LRCH3: variants seen among roughly 807,000 people sequenced by gnomAD.
The protein encoded by LRCH3 is DISP complex protein LRCH3.
Under a neutral mutation model 104.5 loss-of-function variants are expected in LRCH3, and 68 were observed. The observed-to-expected ratio is 0.65, with a 90% CI of 0.54 to 0.80. The LOEUF (loss-of-function observed/expected upper bound fraction) is 0.80. LRCH3 is among the 30% of genes least tolerant of loss of function. The probability of loss-of-function intolerance (pLI) is 0.00; values close to 1 mark genes in which losing one functional copy is unlikely to be tolerated. For synonymous variants in LRCH3, 344 were observed against 361.3 expected, an observed-to-expected ratio of 0.95 and a Z score of 0.54; for missense variants, 951 against 953.9, an observed-to-expected ratio of 1.00 and a Z score of 0.04.
chr3:197,871,222 T>C, intron 18 of LRCH3, 103 bp from the exon 19 acceptor site: 1 of 938,964 alleles, frequency 1.1e-6, no homozygotes, highest in Non-Finnish European at 1.7e-6. Flanking sequence ...GGTACTTATT[T>C]CCTTTTTATC....
chr3:197,851,001 C>T (rs1452954063), intron 12 of LRCH3: 4 of 774,074 alleles, frequency 5.2e-6, no homozygotes, highest in Admixed American at 1.7e-5. Context: ...CCCATTTTTT[C>T]TTTTTATGAA....
chr3:197,812,529 T>TTTTTTTTTTTTTTG (rs1733285611), intron 1 of LRCH3, among the ~76,000 whole-genome samples: 1 of 145,444 alleles, frequency 6.9e-6, no homozygotes, highest in Non-Finnish European at 1.5e-5. Context: ...TTTTTTTTTT[T>TTTTTTTTTTTTTTG]TAGGTGGAGT....
At chr3:197,844,663 G>A (rs1039582206) in intron 10 of LRCH3, among the ~76,000 whole-genome samples, 15 of 151,952 alleles carry the variant, frequency 9.9e-5, no homozygotes, top group South Asian at 6.2e-4. Flanking sequence ...CTGTCGCCAG[G>A]CTGGAGTGCA....
At chr3:197,843,833 G>A (rs538055941) in intron 10 of LRCH3, among the ~76,000 whole-genome samples, 26 of 152,278 alleles carry the variant, frequency 1.7e-4, no homozygotes, top group Non-Finnish European at 2.9e-4. Flanking sequence ...GGGTGCTACT[G>A]TCATTCATTC....
At position 197,854,529 on chromosome 3, in the gene LRCH3, A is replaced by T. The variant is rs931325164; in HGVS notation, c.1644+84A>T. 1 of 1,243,236 alleles carries T rather than the reference A, an allele frequency of 8.0e-7. No individual in the cohort carries two copies. The highest frequency in any genetic ancestry group is 1.5e-5 in the African/African-American group (1 of 68,092). The allele number at this position is 1,243,236 out of a possible 1,614,324, so 77.0% of individuals were successfully genotyped here. ...ATTCAGAAACTATCTAAATACCATA[A>T]AACATGATGAACATCATTACTAAAT... On this transcript the variant is annotated intron_variant, in intron 14 of 20. Transcript: ENST00000425562. This position sits in a 1 kb window ranked among gnomAD's most constrained non-coding sequence, Gnocchi z 4.5.
intron 12 of LRCH3, chr3:197,850,667 TTTAAGCACGTGCAGCAAAAATTCAGCA>T: frequency 6.5e-7 from 1 of 1,527,350 alleles, no homozygotes; most frequent in East Asian, 2.3e-5. Flanking sequence ...TCTCTGCATT[TTTAAGCACGTGCAGCAAAAATTCAGCA>T]CTCTTTCTGG....
chr3:197,806,974 G>A (rs566409000), intron 1 of LRCH3, among the ~76,000 whole-genome samples: 1 of 151,488 alleles, frequency 6.6e-6, no homozygotes, highest in African/African-American at 2.4e-5. Flanking sequence ...AGGAGTTCCA[G>A]GTTTCAGTGA....
chr3:197,843,684 G>GA (rs879341567), intron 10 of LRCH3, among the ~76,000 whole-genome samples: 198 of 142,384 alleles, frequency 1.4e-3, no homozygotes, highest in Non-Finnish European at 2.4e-3. Flanking sequence ...CATCTCAAAA[G>GA]AAAAAAAAAA....
At chr3:197,857,406 C>G (rs183883305) in intron 14 of LRCH3, among the ~76,000 whole-genome samples, 136 of 144,858 alleles carry the variant, frequency 9.4e-4, no homozygotes, top group African/African-American at 1.4e-3. Flanking sequence ...GTCACACTGA[C>G]ATTCTCTTCC....
chr3:197,839,365 A>G lies in LRCH3; in HGVS notation c.1296A>G (p.Thr432=), dbSNP rs1737444797. The G allele has an allele frequency of 1.3e-6, 2 of 1,594,214 alleles. No homozygotes were observed. The highest frequency in any genetic ancestry group is 2.2e-5 in the East Asian group (1 of 44,556). ...TAGCCATTAGGGAGTTTCAAAAAACAGAAGATATGAGAAGATATTTACATC... is the reference window on the plus strand; with the variant it reads ...TAGCCATTAGGGAGTTTCAAAAAACGGAAGATATGAGAAGATATTTACATC... The part of the protein sequence containing the change: ...KPVAIREFQK[T]EDMRRYLHQN... Residue 432 remains threonine (T), a synonymous_variant, in exon 10 of 21, where the codon ACA becomes ACG. Coordinates refer to ENST00000425562, the MANE Select transcript of LRCH3 (RefSeq NM_001365715.1).
rs1437958599 is a variant in LRCH3, at chr3:197,812,296, A to G, written c.263-2612A>G. Among the ~76,000 whole-genome samples, 4 of 152,110 alleles carry G rather than the reference A, an allele frequency of 2.6e-5. No individual in the cohort carries two copies. The East Asian group carries it at 7.7e-4, about 29-fold the overall frequency. On this transcript the variant is annotated intron_variant, in intron 1 of 20. Coordinates refer to ENST00000425562, the MANE Select transcript of LRCH3 (RefSeq NM_001365715.1). ...GATGTCTGGCATATTTCACTCCATA[A>G]TGTTTGCAAACTTCATGTTGTACCA...
intron 14 of LRCH3, among the ~76,000 whole-genome samples, chr3:197,858,036 A>G (rs1443587990): frequency 6.6e-6 from 1 of 152,168 alleles, no homozygotes; most frequent in Non-Finnish European, 1.5e-5. Context: ...AGACTTCACT[A>G]TTTTTAAGCT....
chr3:197,880,988 TA>T (rs1713711112), intron 20 of LRCH3: 1 of 1,309,204 alleles, frequency 7.6e-7, no homozygotes, highest in South Asian at 1.8e-5. Flanking sequence ...TCTCTTACCA[TA>T]AATGCTGAAG....
intron 1 of LRCH3, among the ~76,000 whole-genome samples, chr3:197,793,844 G>A (rs1404895130): frequency 1.3e-5 from 2 of 152,118 alleles, no homozygotes; most frequent in Non-Finnish European, 2.9e-5. Flanking sequence ...CTAACATGTA[G>A]TAATATCACT....
chr3:197,859,555 A>G (rs1740646569), intron 15 of LRCH3: 1 of 152,252 alleles, frequency 6.6e-6, no homozygotes, highest in African/African-American at 2.4e-5. Flanking sequence ...ATTTAATCTA[A>G]ACTCTAAAAA....
rs1490825314 is a variant in LRCH3 at position 197,884,940 on chromosome 3, CAGAT to C, written c.*1278_*1281del. 1 of 152,158 alleles carries C rather than the reference CAGAT, an allele frequency of 6.6e-6. No homozygotes were observed. The highest frequency in any genetic ancestry group is 2.4e-5 in the African/African-American group (1 of 41,430). 9.4% of individuals were successfully genotyped at this position (152,158 alleles called of 1,614,324 possible). A position where few individuals can be genotyped will look rare whatever the true frequency, so the allele number is the denominator to read the frequency against. On this transcript the variant is annotated 3_prime_UTR_variant, in exon 21 of 21. Transcript: ENST00000425562. ...GATTTTGCATAGTAAAACAGTGAAA[CAGAT>C]AGAGTTGTATTTAAGGTCAGTATTC...
intron 1 of LRCH3, among the ~76,000 whole-genome samples, chr3:197,797,878 A>C (rs1211311321): frequency 4.3e-4 from 59 of 138,208 alleles, no homozygotes; most frequent in African/African-American, 1.7e-3. Context: ...AAAAAACAAA[A>C]AAAACAAAAA....
chr3:197,795,298 CT>C (rs1173639044), intron 1 of LRCH3, among the ~76,000 whole-genome samples: 11 of 152,142 alleles, frequency 7.2e-5, no homozygotes, highest in African/African-American at 2.7e-4. Flanking sequence ...GGAACCACCC[CT>C]CTCAGTTATA....
intron 1 of LRCH3, among the ~76,000 whole-genome samples, chr3:197,806,843 C>A (rs1268264234): frequency 6.6e-6 from 1 of 151,206 alleles, no homozygotes; most frequent in Non-Finnish European, 1.5e-5. Flanking sequence ...TGAGCCACTG[C>A]ATCCGGCTCC....
Sources: allele counts gnomAD v4.1 joint callset (sites outside exome capture counted in the v4.1 genomes callset), GRCh38; gene constraint gnomAD v4.1.1; non-coding constraint Gnocchi (gnomAD v3.1); transcripts MANE v1.5; gene names NCBI Gene and HGNC (gene_info 2026-07-23, HGNC 2026-07-21).